SPATA7: variants seen among roughly 807,000 people sequenced by gnomAD.
SPATA7 encodes the protein spermatogenesis-associated protein 7.
A neutral mutation model predicts 51.8 loss-of-function variants in SPATA7; 43 were observed. That is an observed-to-expected ratio of 0.83 (90% CI 0.65 to 1.07). SPATA7 has a LOEUF of 1.07. Among genes scored for constraint, SPATA7 ranks in the 50% least tolerant of loss-of-function variants. The pLI is 0.00. For missense variants in SPATA7, 683 were observed against 701.3 expected (o/e 0.97, Z 0.30); for synonymous variants, 230 against 252.8 (o/e 0.91, Z 0.86).
chr14:88,426,493 C>CGGG lies in SPATA7; in HGVS notation c.636_637insGGG (p.Arg212_Phe213insGly). 6.2e-7 allele frequency: 1 copy of CGGG among 1,614,180 alleles called. No homozygotes were observed. ...CAGAAGCACATTCCCAAATTCCCAC[C>CGGG]GGTTTCAGTTAGTCATTTCGAAAGC... On this transcript the variant is annotated inframe_insertion, in exon 6 of 12. Transcript: ENST00000393545.
At chr14:88,462,438 T>C (rs73329617) in intron 4 of SPATA7, among the ~76,000 whole-genome samples, 1,819 of 152,368 alleles carry the variant, frequency 0.012, 17 homozygotes, top group African/African-American at 0.042. Flanking sequence ...TCTTTGGCAA[T>C]GGACATCTGT....
intron 3 of SPATA7, among the ~76,000 whole-genome samples, chr14:88,450,067 A>G (rs931022497): frequency 1.3e-5 from 2 of 152,032 alleles, no homozygotes; most frequent in East Asian, 3.9e-4. Flanking sequence ...GTATATTTCC[A>G]GGAATTTATC....
intron 3 of SPATA7, among the ~76,000 whole-genome samples, chr14:88,448,158 A>G (rs1396844991): frequency 2.6e-5 from 4 of 152,006 alleles, no homozygotes; most frequent in Non-Finnish European, 5.9e-5. Context: ...ACATAGTCCC[A>G]TATTTCTTGG....
chr14:88,418,292 G>C (rs899332243), intron 5 of SPATA7, among the ~76,000 whole-genome samples: 2 of 151,746 alleles, frequency 1.3e-5, no homozygotes, highest in Non-Finnish European at 2.9e-5. Flanking sequence ...TTATTTTGCT[G>C]TACTATCTCT....
At chr14:88,435,667 T>C (rs1054445605) in intron 10 of SPATA7, among the ~76,000 whole-genome samples, 1 of 152,138 alleles carries the variant, frequency 6.6e-6, no homozygotes, top group African/African-American at 2.4e-5. Context: ...CACAAATACG[T>C]GGGAGAATGC....
intron 4 of SPATA7, among the ~76,000 whole-genome samples, chr14:88,396,972 A>G (rs2075901584): frequency 6.6e-6 from 1 of 151,056 alleles, no homozygotes; most frequent in African/African-American, 2.4e-5. Context: ...TCCTGGGCTC[A>G]AGCAATCCTC....
chr14:88,420,519 C>T (rs990834736), intron 5 of SPATA7, among the ~76,000 whole-genome samples: 2 of 152,138 alleles, frequency 1.3e-5, no homozygotes, highest in African/African-American at 4.8e-5. Context: ...TTCTTTCCAT[C>T]TCTATCTCTC....
chr14:88,385,716 C>G lies in SPATA7; in HGVS notation c.-103C>G. ...GTTTCCCTGCTGCTGCAGCCCCCGT[C>G]GGCTCCTCTTTTCCAGTCCTCCACT... On this transcript the variant is annotated 5_prime_UTR_variant, in exon 1 of 12. Transcript: ENST00000393545. 5.3e-6 allele frequency: 6 copies of G among 1,137,152 alleles called. No homozygotes were observed. In the South Asian group the frequency reaches 7.9e-5, roughly 15 times the overall value. The allele number at this position is 1,137,152 out of a possible 1,614,324, so 70.4% of individuals were successfully genotyped here. A position where few individuals can be genotyped will look rare whatever the true frequency, so the allele number is the denominator to read the frequency against.
intron 4 of SPATA7, among the ~76,000 whole-genome samples, chr14:88,411,154 C>T (rs1018186097): frequency 7.9e-5 from 12 of 152,144 alleles, no homozygotes; most frequent in African/African-American, 1.7e-4. Flanking sequence ...AACTTCCTGG[C>T]GGCTTTGTTT....
In SPATA7 at chr14:88,460,830, CT is replaced by C. The variant is rs979705144; in HGVS notation, c.255-9014del. The stretch of plus-strand genomic sequence containing the variant: ...CTTTTCTGCTCTCTTTTTTCCCCAT[CT>C]TTGTGGTTTTATCTATCTCTGCTCT... On this transcript the variant is annotated intron_variant, in intron 4 of 4. Coordinates refer to the SPATA7 transcript ENST00000556406. Among the ~76,000 whole-genome samples the C allele has an allele frequency of 2.8e-4, 42 of 152,148 alleles. 1 individual carries two copies. The highest frequency in any genetic ancestry group is 2.5e-3 in the Admixed American group (38 of 15,266).
At chr14:88,465,238 A>C (rs998336594) in intron 4 of SPATA7, among the ~76,000 whole-genome samples, 1 of 152,186 alleles carries the variant, frequency 6.6e-6, no homozygotes, top group East Asian at 1.9e-4. Flanking sequence ...AGGCCGAGGC[A>C]GACAGATCAC....
At chr14:88,434,564 A>C (rs2077027154) in intron 10 of SPATA7, among the ~76,000 whole-genome samples, 1 of 151,998 alleles carries the variant, frequency 6.6e-6, no homozygotes, top group Non-Finnish European at 1.5e-5. Context: ...GCGCGCCTGT[A>C]GTCCCAGCTA....
intron 5 of SPATA7, among the ~76,000 whole-genome samples, chr14:88,424,676 G>T (rs1224608909): frequency 6.6e-6 from 1 of 152,020 alleles, no homozygotes; most frequent in Non-Finnish European, 1.5e-5. Flanking sequence ...AACTCTTCTG[G>T]TACATAAGCT....
chr14:88,448,096 A>G (rs1279259846), intron 3 of SPATA7, among the ~76,000 whole-genome samples: 1 of 152,054 alleles, frequency 6.6e-6, no homozygotes, highest in Non-Finnish European at 1.5e-5. Context: ...ACTTGGTTCC[A>G]TTCTCCCCGT....
chr14:88,409,780 G>A (rs370499167), intron 4 of SPATA7, among the ~76,000 whole-genome samples: 2 of 152,036 alleles, frequency 1.3e-5, no homozygotes, highest in Admixed American at 1.3e-4. Context: ...AGAGATTCTG[G>A]TACATTGTGT....
At chr14:88,423,466 A>G (rs2076701447) in intron 5 of SPATA7, among the ~76,000 whole-genome samples, 1 of 151,298 alleles carries the variant, frequency 6.6e-6, no homozygotes, top group African/African-American at 2.4e-5. Flanking sequence ...TGAGGCAGGC[A>G]GATTAATTGA....
chr14:88,418,159 C>G (rs1173369638), intron 5 of SPATA7, among the ~76,000 whole-genome samples: 3 of 152,038 alleles, frequency 2.0e-5, no homozygotes, highest in Non-Finnish European at 2.9e-5. Context: ...CTTCATCATT[C>G]TCATCAGAGA....
intron 4 of SPATA7, among the ~76,000 whole-genome samples, chr14:88,398,632 T>TA (rs34907511): frequency 5.8e-5 from 1 of 17,336 alleles, no homozygotes; most frequent in Admixed American, 1.2e-3. Flanking sequence ...AGTATAATAA[T>TA]AAAATTTTAA....
intron 4 of SPATA7, among the ~76,000 whole-genome samples, chr14:88,405,105 TG>T (rs966277921): frequency 9.5e-4 from 145 of 152,288 alleles, no homozygotes; most frequent in African/African-American, 3.3e-3. Flanking sequence ...TGTGGCTATC[TG>T]GGGAAAAAGC....
Sources: allele counts gnomAD v4.1 joint callset (sites outside exome capture counted in the v4.1 genomes callset), GRCh38; gene constraint gnomAD v4.1.1; transcripts MANE v1.5; gene names NCBI Gene and HGNC (gene_info 2026-07-23, HGNC 2026-07-21).